The following SUZ12 variants were observed in gnomAD, a reference collection of about 807,000 sequenced individuals.
SUZ12 encodes the protein SUZ12 polycomb repressive complex 2 subunit.
SUZ12 carries 17 observed loss-of-function variants against 87.3 expected under a neutral mutation model. The ratio of observed to expected loss-of-function variants is 0.19; its 90% CI spans 0.13 to 0.29. The LOEUF (loss-of-function observed/expected upper bound fraction) is 0.29, where lower values mean the gene tolerates loss of function less well. SUZ12 is among the 10% of genes least tolerant of loss of function. The pLI, the probability that SUZ12 is intolerant of heterozygous loss-of-function variation, is 1.00. For synonymous variants in SUZ12, 253 were observed against 312.4 expected, an observed-to-expected ratio of 0.81 and a Z score of 2.01; for missense variants, 526 against 912.2, an observed-to-expected ratio of 0.58 and a Z score of 5.45.
At chr17:31,989,436 A>C (rs1030337814) in intron 10 of SUZ12, among the ~76,000 whole-genome samples, 3 of 152,210 alleles carry the variant, frequency 2.0e-5, no homozygotes, top group African/African-American at 4.8e-5. Flanking sequence ...TATCATATAT[A>C]ACATCTTGAA....
chr17:31,980,912 A>C (rs113760512), intron 8 of SUZ12, among the ~76,000 whole-genome samples: 5,633 of 152,130 alleles, frequency 0.037, 143 homozygotes, highest in South Asian at 0.063. Context: ...CACACTTGTA[A>C]TCTTAGTACT....
intron 4 of SUZ12, among the ~76,000 whole-genome samples, chr17:31,960,836 C>T (rs1260599665): frequency 6.6e-6 from 1 of 152,158 alleles, no homozygotes; most frequent in Non-Finnish European, 1.5e-5. Flanking sequence ...TGCCTCCTTC[C>T]CAAAGTGCTG....
Position 31,975,723 on chromosome 17 carries a change from T to C in SUZ12, c.823+10T>C. The C allele has an allele frequency of 6.3e-7, 1 of 1,596,034 alleles. No individual in the cohort carries two copies. The highest frequency in any genetic ancestry group is 1.1e-5 in the South Asian group (1 of 88,166). ...ACCAATGAAAATATTGGTAATTTTTTTTTTTACTAGATTTTATCACTGGAG... is the reference window on the plus strand; with the variant it reads ...ACCAATGAAAATATTGGTAATTTTTCTTTTTACTAGATTTTATCACTGGAG... On this transcript the variant is annotated intron_variant, in intron 7 of 15. Transcript: ENST00000322652.
intron 4 of SUZ12, 114 bp downstream of exon 4, chr17:31,947,799 G>A: frequency 9.1e-7 from 1 of 1,093,776 alleles, no homozygotes; most frequent in Non-Finnish European, 1.3e-6. Flanking sequence ...GAATCTTAGA[G>A]GTCAGTTTGG....
At chr17:31,956,160 G>T (rs563357662) in intron 4 of SUZ12, among the ~76,000 whole-genome samples, 1 of 150,696 alleles carries the variant, frequency 6.6e-6, no homozygotes, top group Non-Finnish European at 1.5e-5. Flanking sequence ...TGATCTGTCC[G>T]CCTCGGCCTC....
At position 31,979,187 on chromosome 17, in the gene SUZ12, C is replaced by T. The variant is rs190249473; in HGVS notation, c.917+2573C>T. Among the ~76,000 whole-genome samples the T allele has an allele frequency of 7.3e-5, 11 of 150,400 alleles. 1 individual carries two copies. In the East Asian group the frequency reaches 2.1e-3, roughly 29 times the overall value. ...AGTCATTTAATATCCACATACCCTT[C>T]ATCTAGATTGTATCTGTTGTTAACA... On this transcript the variant is annotated intron_variant, in intron 8 of 15. Coordinates refer to ENST00000322652, the MANE Select transcript of SUZ12 (RefSeq NM_015355.4).
rs56896634 is a variant in SUZ12, at chr17:31,989,259, A to G, written c.1201+762A>G. 2.1e-3 allele frequency among the ~76,000 whole-genome samples: 326 copies of G among 152,052 alleles called. 2 individuals are homozygous for G. The highest frequency in any genetic ancestry group is 7.6e-3 in the African/African-American group (317 of 41,488). On this transcript the variant is annotated intron_variant, in intron 10 of 15. Coordinates refer to ENST00000322652, the MANE Select transcript of SUZ12 (RefSeq NM_015355.4). ...AGCCTTTCAGAATATTATCTGGCTT[A>G]TTGGGTAGGTTATGAATCATGGTAA...
At chr17:31,953,719 T>TC (rs1907122394) in intron 4 of SUZ12, among the ~76,000 whole-genome samples, 1 of 150,814 alleles carries the variant, frequency 6.6e-6, no homozygotes, top group East Asian at 1.9e-4. Context: ...CAATTTTTTT[T>TC]TTTTTTTTTT....
chr17:31,997,315 T>A lies in SUZ12; in HGVS notation c.1874+438T>A, dbSNP rs533401237. On this transcript the variant is annotated intron_variant, in intron 15 of 15. Transcript: ENST00000322652. ...CTGGTGCCCATCCTAACTCTCGTAG[T>A]AGTGTTTCTCCCATGCTTGCAAACT... Among the ~76,000 whole-genome samples the A allele has an allele frequency of 1.4e-3, 208 of 152,288 alleles. 1 individual carries two copies. The highest frequency in any genetic ancestry group is 4.8e-3 in the African/African-American group (201 of 41,560).
intron 6 of SUZ12, among the ~76,000 whole-genome samples, chr17:31,973,583 A>G (rs1368425282): frequency 1.3e-5 from 2 of 152,160 alleles, no homozygotes; most frequent in Non-Finnish European, 2.9e-5. Context: ...GCTAAGAGAG[A>G]GTTTTTTCCA....
intron 9 of SUZ12, among the ~76,000 whole-genome samples, chr17:31,986,766 G>A (rs1036650984): frequency 1.3e-5 from 2 of 152,070 alleles, no homozygotes; most frequent in Admixed American, 1.3e-4. Flanking sequence ...TGTCCAGGAT[G>A]GTCTCGAACT....
rs148959082 is a variant in SUZ12 at position 31,944,896 on chromosome 17, A to G, written c.387-2721A>G. ...AGCCCTGGCAACATAGTGAGACCCT[A>G]TATCTACAAAAATTTTAAAAAATTA... On this transcript the variant is annotated intron_variant, in intron 3 of 15. Transcript: ENST00000322652. 2.6e-3 allele frequency among the ~76,000 whole-genome samples: 396 copies of G among 152,148 alleles called. 1 individual carries two copies. The highest frequency in any genetic ancestry group is 8.7e-3 in the African/African-American group (362 of 41,518).
chr17:31,982,162 A>C (rs1909148423), intron 8 of SUZ12, among the ~76,000 whole-genome samples: 1 of 152,212 alleles, frequency 6.6e-6, no homozygotes, highest in Non-Finnish European at 1.5e-5. Context: ...TTAGTATTCC[A>C]TGAAGTGTTT....
At chr17:31,960,321 C>T (rs1350996571) in intron 4 of SUZ12, among the ~76,000 whole-genome samples, 2 of 152,072 alleles carry the variant, frequency 1.3e-5, no homozygotes, top group African/African-American at 2.4e-5. Flanking sequence ...AGCGATTCTC[C>T]TGCCTCAGCC....
rs981610288 is a variant in SUZ12, at chr17:32,000,488, A to G, written c.*1485A>G. On this transcript the variant is annotated 3_prime_UTR_variant, in exon 16 of 16. Transcript: ENST00000322652. ...TTGTGTTTAAAAAAAAATAGGAAAGAGGGAAACTGCAGCTTTCATTACAGA... is the reference window on the plus strand; with the variant it reads ...TTGTGTTTAAAAAAAAATAGGAAAGGGGGAAACTGCAGCTTTCATTACAGA... 2 of 232,600 alleles carry G rather than the reference A, an allele frequency of 8.6e-6. No homozygotes were observed. Among genetic ancestry groups the G allele is most frequent in the Non-Finnish European group, 1.7e-5 (2 of 117,764 alleles). 14.4% of individuals were successfully genotyped at this position (232,600 alleles called of 1,614,324 possible).
At chr17:31,982,820 ACAT>A (rs541935045) in intron 8 of SUZ12, among the ~76,000 whole-genome samples, 176 bp from the exon 9 acceptor site, 14 of 152,350 alleles carry the variant, frequency 9.2e-5, no homozygotes, top group Middle Eastern at 3.4e-3. Context: ...TTTTTAGTGT[ACAT>A]CATTAAAATT....
chr17:31,976,063 G>A (rs1441456970), intron 7 of SUZ12, among the ~76,000 whole-genome samples: 6 of 152,216 alleles, frequency 3.9e-5, no homozygotes, highest in African/African-American at 1.4e-4. Context: ...TAATTTAATC[G>A]AAGATGATTA....
At chr17:31,965,428 T>C (rs1598164879) in intron 4 of SUZ12, among the ~76,000 whole-genome samples, 1 of 152,234 alleles carries the variant, frequency 6.6e-6, no homozygotes, top group Non-Finnish European at 1.5e-5. Flanking sequence ...CTTATTGTTT[T>C]TTTCTATTGT....
chr17:31,949,444 A>G (rs1906815405), intron 4 of SUZ12, among the ~76,000 whole-genome samples: 2 of 152,112 alleles, frequency 1.3e-5, no homozygotes, highest in Admixed American at 6.6e-5. Flanking sequence ...TATTGCTCCC[A>G]GAGGCACTAA....
Sources: allele counts gnomAD v4.1 joint callset (sites outside exome capture counted in the v4.1 genomes callset), GRCh38; gene constraint gnomAD v4.1.1; transcripts MANE v1.5; gene names NCBI Gene and HGNC (gene_info 2026-07-23, HGNC 2026-07-21).